Variants in AGO3 observed in about 807,000 individuals in gnomAD.
The protein encoded by AGO3 is protein argonaute-3.
A neutral mutation model predicts 105.5 loss-of-function variants in AGO3; 16 were observed. That is an observed-to-expected ratio of 0.15 (90% CI 0.10 to 0.23). AGO3 has a LOEUF of 0.23. AGO3 is among the 10% of genes least tolerant of loss of function. The probability of loss-of-function intolerance (pLI) is 1.00; values close to 1 mark genes in which losing one functional copy is unlikely to be tolerated. For synonymous variants in AGO3, 340 were observed against 367.3 expected, an observed-to-expected ratio of 0.93 and a Z score of 0.85; for missense variants, 534 against 1,088.0, an observed-to-expected ratio of 0.49 and a Z score of 7.16.
rs981388020 is a variant in AGO3 at position 36,055,800 on chromosome 1, C to T, written c.*55C>T. The T allele has an allele frequency of 1.5e-5, 23 of 1,549,796 alleles. No homozygotes were observed. In the Admixed American group the frequency reaches 1.7e-4, roughly 11 times the overall value. ...TACTGAAAGATGAATTGACATACAA[C>T]GTATGTTTCCAGTGAAGTCAATTGA... is the stretch of plus-strand genomic sequence containing the variant. On this transcript the variant is annotated 3_prime_UTR_variant, in exon 19 of 19. Transcript: ENST00000373191. The surrounding 1 kb of genome is among the most constrained non-coding windows in gnomAD (Gnocchi z 4.4).
chr1:36,005,726 AAGATGTAC>A, intron 6 of AGO3: 1 of 985,378 alleles, frequency 1.0e-6, no homozygotes, highest in Non-Finnish European at 1.2e-6. Context: ...CAGAAAATAC[AAGATGTAC>A]AGAACAAGGA....
chr1:36,012,905 TAAA>T (rs565133192), intron 9 of AGO3, among the ~76,000 whole-genome samples: 1 of 144,934 alleles, frequency 6.9e-6, no homozygotes, highest in African/African-American at 2.5e-5. Context: ...TCCATCTCTT[TAAA>T]AAAAAAAAAG....
chr1:35,968,223 T>A (rs1646808253), intron 3 of AGO3, among the ~76,000 whole-genome samples: 1 of 152,238 alleles, frequency 6.6e-6, no homozygotes, highest in Non-Finnish European at 1.5e-5. Context: ...ATTCTTTTCC[T>A]CCTTGTAGTT....
At chr1:36,024,094 G>T (rs1356532620) in intron 11 of AGO3, among the ~76,000 whole-genome samples, 2 of 149,308 alleles carry the variant, frequency 1.3e-5, no homozygotes, top group African/African-American at 4.9e-5. Context: ...AAGTTCAATG[G>T]TCTCTTCTTA....
At chr1:35,998,105 C>T (rs960943836) in intron 5 of AGO3, among the ~76,000 whole-genome samples, 2 of 151,892 alleles carry the variant, frequency 1.3e-5, no homozygotes, top group Non-Finnish European at 2.9e-5. Context: ...AAATACTATC[C>T]CACTGATATT....
At chr1:35,974,765 C>A (rs1557659814) in intron 5 of AGO3, among the ~76,000 whole-genome samples, 2 of 152,108 alleles carry the variant, frequency 1.3e-5, no homozygotes, top group Admixed American at 6.5e-5. Context: ...TTCTGTTATT[C>A]TTTTTGCATT....
chr1:36,030,270 G>T (rs1641710694), intron 12 of AGO3, among the ~76,000 whole-genome samples: 1 of 152,050 alleles, frequency 6.6e-6, no homozygotes, highest in Non-Finnish European at 1.5e-5. Flanking sequence ...GAGAAGCCAA[G>T]GTGGGCAGAT....
At chr1:36,054,132 C>A (rs1335581825) in intron 17 of AGO3, among the ~76,000 whole-genome samples, 1 of 152,006 alleles carries the variant, frequency 6.6e-6, no homozygotes, top group Non-Finnish European at 1.5e-5. Context: ...GCCACCATGC[C>A]CAGCCTGAAC....
At chr1:36,005,977 A>C (rs1227181011) in intron 6 of AGO3, 2 of 871,202 alleles carry the variant, frequency 2.3e-6, no homozygotes, top group Non-Finnish European at 2.8e-6. Flanking sequence ...TAAAAATTTC[A>C]ACTTTTTGCT....
At position 35,977,250 on chromosome 1, in the gene AGO3, AT is replaced by A. The variant is rs979864058; in HGVS notation, c.658+3748del. On this transcript the variant is annotated intron_variant, in intron 5 of 18. Transcript: ENST00000373191. ...ATACATCTAGTATGTACCCATAAAA[AT>A]TTTTTTTTAATTAAAAAAAAAAGTC... Among the ~76,000 whole-genome samples the A allele has an allele frequency of 7.5e-5, 11 of 147,238 alleles. No individual in the cohort carries two copies. In the Middle Eastern group the frequency reaches 0.01, roughly 138 times the overall value.
At position 36,071,059 on chromosome 1, in the gene AGO3, C is replaced by T. The variant is rs1041369793; in HGVS notation, c.*15314C>T. ...ATGTCTTTCTTTAGTGTTTGGGGGA[C>T]TCAATGGTAATATGACCATTGCAGT... On this transcript the variant is annotated 3_prime_UTR_variant, in exon 19 of 19. Coordinates refer to ENST00000373191, the MANE Select transcript of AGO3 (RefSeq NM_024852.4). 5.3e-5 allele frequency: 8 copies of T among 152,084 alleles called. No homozygotes were observed. Among genetic ancestry groups the T allele is most frequent in the Non-Finnish European group, 8.8e-5 (6 of 68,034 alleles). The allele number at this position is 152,084 out of a possible 1,614,324, so 9.4% of individuals were successfully genotyped here. A position where few individuals can be genotyped will look rare whatever the true frequency, so the allele number is the denominator to read the frequency against.
intron 14 of AGO3, among the ~76,000 whole-genome samples, chr1:36,036,946 T>C (rs1037460287): frequency 6.6e-6 from 1 of 152,076 alleles, no homozygotes; most frequent in African/African-American, 2.4e-5. Context: ...TCCACCTGCT[T>C]CGGCCTCCCA....
intron 5 of AGO3, among the ~76,000 whole-genome samples, chr1:35,989,402 A>C (rs1234984387): frequency 6.6e-6 from 1 of 152,208 alleles, no homozygotes; most frequent in East Asian, 1.9e-4. Context: ...ATATCTTACA[A>C]TTGATGGTTT....
chr1:36,009,440 T>C (rs1358193115), intron 8 of AGO3, 35 bp from the exon 9 acceptor site: 2 of 1,575,378 alleles, frequency 1.3e-6, no homozygotes, highest in Admixed American at 2.0e-5. Context: ...AAAAAAGATA[T>C]ATACATGTAG....
At chr1:36,026,984 G>A (rs1048086891) in intron 11 of AGO3, 130 bp from the exon 12 acceptor site, 3 of 1,029,950 alleles carry the variant, frequency 2.9e-6, no homozygotes, top group Admixed American at 2.3e-5. Flanking sequence ...CAGTAGTCTG[G>A]TGACCTCTCA....
At chr1:35,982,477 C>G (rs1431251322) in intron 5 of AGO3, 2 of 587,860 alleles carry the variant, frequency 3.4e-6, no homozygotes, top group Non-Finnish European at 3.1e-6. Flanking sequence ...AGAAAAATCA[C>G]AGAAAATTAA....
chr1:35,948,241 A>C (rs917094451), intron 2 of AGO3, among the ~76,000 whole-genome samples: 5 of 147,362 alleles, frequency 3.4e-5, no homozygotes, highest in African/African-American at 1.3e-4. Flanking sequence ...TTTTTGCAAC[A>C]GAGTCTCTCC....
intron 5 of AGO3, among the ~76,000 whole-genome samples, chr1:35,993,874 A>G (rs1165253592): frequency 1.3e-5 from 2 of 149,586 alleles, no homozygotes; most frequent in Admixed American, 6.7e-5. Flanking sequence ...CAGCCTCCCA[A>G]GTAGCTGGGT....
intron 14 of AGO3, among the ~76,000 whole-genome samples, chr1:36,036,700 T>C (rs1272883527): frequency 6.6e-6 from 1 of 152,082 alleles, no homozygotes; most frequent in Non-Finnish European, 1.5e-5. Context: ...TTTATTTTAT[T>C]TTATTTATTT....
Sources: gnomAD v4.1 joint callset for allele counts (sites outside exome capture counted in the v4.1 genomes callset) on GRCh38, gnomAD v4.1.1 for gene constraint, Gnocchi (gnomAD v3.1) non-coding constraint, MANE v1.5 for transcripts, NCBI Gene and HGNC (gene_info 2026-07-23, HGNC 2026-07-21) for gene names.